MAT2A: variants seen among roughly 807,000 people sequenced by gnomAD.
MAT2A encodes the protein methionine adenosyltransferase 2A.
MAT2A carries 3 observed loss-of-function variants against 43.9 expected under a neutral mutation model. The ratio of observed to expected loss-of-function variants is 0.07; its 90% CI spans 0.03 to 0.18. The LOEUF (loss-of-function observed/expected upper bound fraction) is 0.18. Ranked by LOEUF, MAT2A falls within the 10% of genes least tolerant of loss-of-function variation. MAT2A has a pLI of 1.00. For synonymous variants in MAT2A, 200 were observed against 168.4 expected (o/e 1.19, Z -1.45); for missense variants, 204 against 489.0 (o/e 0.42, Z 5.50).
chr2:85,542,825 T>A, intron 7 of MAT2A, 76 bp from the exon 8 acceptor site: 4 of 1,561,540 alleles, frequency 2.6e-6, no homozygotes, highest in Non-Finnish European at 2.6e-6. Context: ...CTTAACTACT[T>A]GTTTTATACC....
At chr2:85,539,462 G>A in intron 1 of MAT2A, 84 bp downstream of exon 1, 1 of 1,072,104 alleles carries the variant, frequency 9.3e-7, no homozygotes, top group South Asian at 1.6e-5. Context: ...CCGGTGGTGG[G>A]GCCCGCGCGG....
At chr2:85,543,405 G>A (rs895867137) in intron 8 of MAT2A, 7 of 441,176 alleles carry the variant, frequency 1.6e-5, no homozygotes, top group Admixed American at 1.2e-4. Context: ...GTGATCTCAG[G>A]TGAGCTTTTT....
chr2:85,541,826 T>C lies in MAT2A; in HGVS notation c.406-3T>C, dbSNP rs747379918. ...ATCACATTGGTGACTTTTCTTTCTT[T>C]AGGGCTTAATGTTTGGCTATGCCAC... is the stretch of plus-strand genomic sequence containing the variant. On this transcript the variant is annotated splice_polypyrimidine_tract_variant and splice_region_variant and intron_variant, in intron 4 of 8. Coordinates refer to ENST00000306434, the MANE Select transcript of MAT2A (RefSeq NM_005911.6). The C allele has an allele frequency of 1.8e-5, 29 of 1,613,918 alleles. No homozygotes were observed. Among genetic ancestry groups the C allele is most frequent in the Non-Finnish European group, 2.5e-5 (29 of 1,179,888 alleles).
rs1361261329 is a variant in MAT2A, at chr2:85,543,091, A to T, written c.1085+57A>T. 3.2e-6 allele frequency: 5 copies of T among 1,570,442 alleles called. No individual in the cohort carries two copies. In the African/African-American group the frequency reaches 5.4e-5, roughly 17 times the overall value. The stretch of plus-strand genomic sequence containing the variant: ...TATTGAGGGTGTTGGGTGTGTGTGT[A>T]TATACTTAAGGCTGAGGAGGTGAAG... On this transcript the variant is annotated intron_variant, in intron 8 of 8. Coordinates refer to ENST00000306434, the MANE Select transcript of MAT2A (RefSeq NM_005911.6).
At position 85,545,191 on chromosome 2, in the gene MAT2A, G is replaced by T. The variant is rs1345531861; in HGVS notation, c.*1419G>T. On this transcript the variant is annotated 3_prime_UTR_variant, in exon 9 of 9. Coordinates refer to ENST00000306434, the MANE Select transcript of MAT2A (RefSeq NM_005911.6). ...GCCCTAAGCAGAAAGTGCCTTTCAG[G>T]ATCTATTTTTGGAGGTTTATTACGT... The T allele has an allele frequency of 2.0e-5, 3 of 152,540 alleles. No individual in the cohort carries two copies. The highest frequency in any genetic ancestry group is 7.2e-5 in the African/African-American group (3 of 41,416). The allele number at this position is 152,540 out of a possible 1,614,324, so 9.4% of individuals were successfully genotyped here.
chr2:85,543,529 G>A, intron 8 of MAT2A, 141 bp from the exon 9 acceptor site: 1 of 613,096 alleles, frequency 1.6e-6, no homozygotes, highest in Non-Finnish European at 2.9e-6. Flanking sequence ...CACCAGGGAA[G>A]TAACACTTTT....
intron 3 of MAT2A, 74 bp from the exon 4 acceptor site, chr2:85,541,559 A>G (rs1691478033): frequency 1.5e-6 from 2 of 1,356,402 alleles, no homozygotes; most frequent in Admixed American, 2.2e-5. Context: ...AGCAGTGTTT[A>G]GAATTCCAGA....
At chr2:85,543,533 C>T (rs1573309647) in intron 8 of MAT2A, 137 bp from the exon 9 acceptor site, 1 of 616,658 alleles carries the variant, frequency 1.6e-6, no homozygotes, top group Non-Finnish European at 2.9e-6. Context: ...AGGGAAGTAA[C>T]ACTTTTGCCA....
At chr2:85,541,444 A>G (rs779346483) in intron 3 of MAT2A, 67 bp downstream of exon 3, 5 of 1,567,726 alleles carry the variant, frequency 3.2e-6, no homozygotes, top group Non-Finnish European at 1.7e-6. Context: ...AAACTCCTAG[A>G]ATGTTCCTGC....
chr2:85,541,903 A>C lies in MAT2A; in HGVS notation c.480A>C (p.Leu160=), dbSNP rs763696263. Residue 160 remains leucine (L), a synonymous_variant, in exon 5 of 9, where the codon CTA becomes CTC. Coordinates refer to ENST00000306434, the MANE Select transcript of MAT2A (RefSeq NM_005911.6). ...TAACCATTGTCTTGGCACACAAGCT[A>C]AATGCCAAACTGGCAGAACTACGCC... ...MPLTIVLAHK[L]NAKLAELRRN... 3.0e-5 allele frequency: 48 copies of C among 1,614,152 alleles called. No homozygotes were observed. The highest frequency in any genetic ancestry group is 3.8e-5 in the Non-Finnish European group (45 of 1,180,036).
intron 7 of MAT2A, 32 bp from the exon 8 acceptor site, chr2:85,542,869 C>A: frequency 6.2e-7 from 1 of 1,603,142 alleles, no homozygotes; most frequent in Non-Finnish European, 8.5e-7. Context: ...TCTTTGCAAT[C>A]ACTGATTCTT....
rs1194545491 is a variant in MAT2A, at chr2:85,544,421, TA to T, written c.*651del. 3.3e-5 allele frequency: 5 copies of T among 152,810 alleles called. No individual in the cohort carries two copies. Among genetic ancestry groups the T allele is most frequent in the Admixed American group, 1.3e-4 (2 of 15,304 alleles). 9.5% of individuals were successfully genotyped at this position (152,810 alleles called of 1,614,324 possible). On this transcript the variant is annotated 3_prime_UTR_variant, in exon 9 of 9. Coordinates refer to ENST00000306434, the MANE Select transcript of MAT2A (RefSeq NM_005911.6). The stretch of plus-strand genomic sequence containing the variant: ...ACCATCTCCCTGGTGCTTATGCTCT[TA>T]ATTGCCACCTCTAACAGCACCAAAT...
At position 85,544,004 on chromosome 2, in the gene MAT2A, A is replaced by C. The variant is rs1354525598; in HGVS notation, c.*232A>C. 5.0e-6 allele frequency: 2 copies of C among 396,152 alleles called. No homozygotes were observed. Among genetic ancestry groups the C allele is most frequent in the Admixed American group, 8.8e-5 (2 of 22,752 alleles). The allele number at this position is 396,152 out of a possible 1,614,324, so 24.5% of individuals were successfully genotyped here. A position where few individuals can be genotyped will look rare whatever the true frequency, so the allele number is the denominator to read the frequency against. On this transcript the variant is annotated 3_prime_UTR_variant, in exon 9 of 9. Coordinates refer to ENST00000306434, the MANE Select transcript of MAT2A (RefSeq NM_005911.6). ...CCATTATAATGAATTTAGTGAGCATAGGTGATCCATGTAACTGCCTAGAAA... is the reference window on the plus strand; with the variant it reads ...CCATTATAATGAATTTAGTGAGCATCGGTGATCCATGTAACTGCCTAGAAA...
intron 1 of MAT2A, among the ~76,000 whole-genome samples, chr2:85,540,308 A>G (rs527421644): frequency 1.3e-5 from 2 of 152,276 alleles, no homozygotes; most frequent in East Asian, 3.9e-4. Flanking sequence ...CGCAGTAGTT[A>G]TCTATCTGGT....
Position 85,541,334 on chromosome 2 carries a change from T to C in MAT2A, c.249T>C (p.Val83=), listed in dbSNP as rs370638648. ...SRAAVDYQKV[V]REAVKHIGYD... is the part of the protein sequence containing the mutation. ...CTGCTGTTGACTACCAGAAAGTGGT[T>C]CGTGAAGCTGTTAAACACATTGGAT... The change falls in exon 3 of 9, where the codon GTT becomes GTC. Residue 83 remains valine, a synonymous_variant. Coordinates refer to ENST00000306434, the MANE Select transcript of MAT2A (RefSeq NM_005911.6). 35 of 1,613,930 alleles carry C rather than the reference T, an allele frequency of 2.2e-5. No individual in the cohort carries two copies. The highest frequency in any genetic ancestry group is 3.3e-4 in the Middle Eastern group (2 of 5,988).
intron 6 of MAT2A, 65 bp from the exon 7 acceptor site, chr2:85,542,500 G>A: frequency 1.3e-6 from 2 of 1,553,206 alleles, no homozygotes; most frequent in Non-Finnish European, 1.8e-6. Context: ...AATGAATTCA[G>A]AATAGGCAAC....
chr2:85,541,466 TC>T, intron 3 of MAT2A, 89 bp downstream of exon 3: 1 of 1,478,918 alleles, frequency 6.8e-7, no homozygotes, highest in Non-Finnish European at 9.2e-7. Flanking sequence ...AATCCTAAAC[TC>T]CAGTTGTATC....
Position 85,539,265 on chromosome 2 carries a change from C to T in MAT2A, c.-23C>T, listed in dbSNP as rs1370676066. 3.2e-6 allele frequency: 5 copies of T among 1,580,444 alleles called. No individual in the cohort carries two copies. The South Asian group carries it at 4.5e-5, about 14-fold the overall frequency. On this transcript the variant is annotated 5_prime_UTR_variant, in exon 1 of 9. Transcript: ENST00000306434. ...CCTCGCCGCTGCTCCTTCGTAAGGC[C>T]ACTTCCGCACACCGACACCAACATG...
At chr2:85,540,584 G>A (rs759405033) in intron 1 of MAT2A, among the ~76,000 whole-genome samples, 1 of 152,230 alleles carries the variant, frequency 6.6e-6, no homozygotes, top group Admixed American at 6.5e-5. Context: ...AAAGCAGGGA[G>A]ACATGGATTC....
Sources: gnomAD v4.1 joint callset for allele counts (sites outside exome capture counted in the v4.1 genomes callset) on GRCh38, gnomAD v4.1.1 for gene constraint, MANE v1.5 for transcripts, NCBI Gene and HGNC (gene_info 2026-07-23, HGNC 2026-07-21) for gene names.